Variants in CES5A observed in about 807,000 individuals in gnomAD.
CES5A encodes the protein carboxylesterase 5A, also known as carboxylesterase 5.
Under a neutral mutation model 62.9 loss-of-function variants are expected in CES5A, and 67 were observed. That is an observed-to-expected ratio of 1.07 (90% CI 0.88 to 1.31). The LOEUF is 1.31. Among genes scored for constraint, CES5A ranks in the 50% most tolerant of loss-of-function variants. The probability of loss-of-function intolerance (pLI) is 0.00; values close to 1 mark genes in which losing one functional copy is unlikely to be tolerated. For missense variants in CES5A, 748 were observed against 708.5 expected, an observed-to-expected ratio of 1.06 and a Z score of -0.63; for synonymous variants, 296 against 280.8, an observed-to-expected ratio of 1.05 and a Z score of -0.54.
chr16:55,848,653 T>C (rs2033066279), intron 11 of CES5A, among the ~76,000 whole-genome samples: 1 of 152,212 alleles, frequency 6.6e-6, no homozygotes, highest in African/African-American at 2.4e-5. Context: ...TTCTATCTGT[T>C]ACCCAGTTTT....
At chr16:55,853,514 T>G (rs1819828) in intron 9 of CES5A, among the ~76,000 whole-genome samples, 1 of 152,124 alleles carries the variant, frequency 6.6e-6, no homozygotes, top group African/African-American at 2.4e-5. Context: ...ACCAGCCCTG[T>G]TCCTGGTACC....
At position 55,941,486 on chromosome 16, in the gene CES5A, A is replaced by T. The variant is rs114446265; in HGVS notation, c.160+8299T>A. Reference sequence around the variant, plus strand: ...AAAGAAGACCTCAATAAATGGAAAGATACACCATGTTCATGGATTGCAAAA... The same window carrying T: ...AAAGAAGACCTCAATAAATGGAAAGTTACACCATGTTCATGGATTGCAAAA... On this transcript the variant is annotated intron_variant, in intron 2 of 13. Coordinates refer to the CES5A transcript ENST00000521992. Among the ~76,000 whole-genome samples, 1,065 of 152,228 alleles carry T rather than the reference A, an allele frequency of 7.0e-3. 14 individuals carry two copies. The highest frequency in any genetic ancestry group is 0.024 in the African/African-American group (986 of 41,574).
At chr16:55,924,648 T>C (rs1351227621) in intron 1 of CES5A, among the ~76,000 whole-genome samples, 1 of 152,092 alleles carries the variant, frequency 6.6e-6, no homozygotes, top group East Asian at 1.9e-4. Context: ...GCTGGAGGCA[T>C]CATACTACCT....
At chr16:55,859,091 A>C (rs2033301745) in intron 8 of CES5A, among the ~76,000 whole-genome samples, 1 of 152,252 alleles carries the variant, frequency 6.6e-6, no homozygotes, top group Non-Finnish European at 1.5e-5. Flanking sequence ...TTGTTGAAAA[A>C]ATAAAATGAT....
intron 1 of CES5A, among the ~76,000 whole-genome samples, chr16:55,880,584 A>G (rs1384232078): frequency 1.3e-5 from 2 of 152,148 alleles, no homozygotes; most frequent in Non-Finnish European, 2.9e-5. Flanking sequence ...TAGACAGCAG[A>G]CCCTCAGTGA....
intron 1 of CES5A, among the ~76,000 whole-genome samples, chr16:55,917,561 C>CT (rs2034159823): frequency 6.6e-6 from 1 of 152,216 alleles, no homozygotes; most frequent in East Asian, 1.9e-4. Context: ...GGCCAAATGC[C>CT]TTCTACAGAT....
chr16:55,927,077 A>G (rs1372491831), upstream of CES5A, among the ~76,000 whole-genome samples: 1 of 152,238 alleles, frequency 6.6e-6, no homozygotes, highest in Non-Finnish European at 1.5e-5. Context: ...CTCTCACCAT[A>G]TACAGAAATT....
intron 7 of CES5A, among the ~76,000 whole-genome samples, chr16:55,859,962 C>A (rs1176822774): frequency 1.3e-5 from 2 of 152,284 alleles, no homozygotes; most frequent in Admixed American, 6.5e-5. Flanking sequence ...AAAACAGTGG[C>A]CTGTTATATG....
intron 1 of CES5A, among the ~76,000 whole-genome samples, chr16:55,951,899 A>G (rs2034561592): frequency 6.6e-6 from 1 of 152,178 alleles, no homozygotes; most frequent in South Asian, 2.1e-4. Flanking sequence ...ATAGCTGTGG[A>G]TCAGGGACAG....
intron 2 of CES5A, among the ~76,000 whole-genome samples, chr16:55,942,883 A>C (rs575352186): frequency 1.3e-5 from 2 of 152,344 alleles, no homozygotes; most frequent in East Asian, 3.9e-4. Context: ...CAAAAACATT[A>C]CAGTGGACAA....
At chr16:55,872,421 A>G (rs1309074915) in intron 2 of CES5A, among the ~76,000 whole-genome samples, 1 of 152,132 alleles carries the variant, frequency 6.6e-6, no homozygotes, top group Non-Finnish European at 1.5e-5. Flanking sequence ...CCTACTTTGC[A>G]TTCTTTTCCA....
chr16:55,945,776 G>A (rs531550593), intron 2 of CES5A, among the ~76,000 whole-genome samples: 5 of 152,284 alleles, frequency 3.3e-5, no homozygotes, highest in African/African-American at 1.2e-4. Flanking sequence ...TTTAACAAGC[G>A]ATTCAGAAAA....
rs12102439 is a variant in CES5A, at chr16:55,944,150, G to A, written c.160+5635C>T. On this transcript the variant is annotated intron_variant, in intron 2 of 13. Transcript: ENST00000521992. ...GACAACCTCTCTGTATTACTTATGG[G>A]CTAAGAAATTGTATTGTGAAGACTT... 2,554 of 701,408 alleles carry A rather than the reference G, an allele frequency of 3.6e-3. 45 individuals carry two copies. The African/African-American group carries it at 0.039, about 11-fold the overall frequency. The allele number at this position is 701,408 out of a possible 1,614,324, so 43.4% of individuals were successfully genotyped here.
chr16:55,869,989 G>T (rs1567332852), intron 3 of CES5A, among the ~76,000 whole-genome samples: 1 of 152,116 alleles, frequency 6.6e-6, no homozygotes, highest in South Asian at 2.1e-4. Flanking sequence ...TTAGCCTAAG[G>T]CTCATTTTTC....
intron 1 of CES5A, among the ~76,000 whole-genome samples, chr16:55,915,906 A>C (rs1850107797): frequency 6.6e-6 from 1 of 152,240 alleles, no homozygotes; most frequent in African/African-American, 2.4e-5. Context: ...CAAAGAAACT[A>C]TCTTAACATC....
chr16:55,885,650 C>T (rs1481629202), intron 1 of CES5A, among the ~76,000 whole-genome samples: 3 of 152,120 alleles, frequency 2.0e-5, no homozygotes, highest in African/African-American at 7.2e-5. Flanking sequence ...ATGGGTCTGC[C>T]CTTGTATCCC....
At chr16:55,880,178 G>C (rs1450987127), upstream of CES5A, among the ~76,000 whole-genome samples, 2 of 152,164 alleles carry the variant, frequency 1.3e-5, no homozygotes, top group African/African-American at 2.4e-5. Flanking sequence ...GTGGACAGTA[G>C]TGTGCAGGCC....
At chr16:55,846,866 G>A in intron 11 of CES5A, 26 bp from the exon 12 acceptor site, 3 of 1,605,844 alleles carry the variant, frequency 1.9e-6, no homozygotes, top group Non-Finnish European at 2.6e-6. Context: ...ACAAAATGCT[G>A]CTGCTCTGGG....
chr16:55,874,875 G>A (rs111721474), intron 1 of CES5A, among the ~76,000 whole-genome samples: 10 of 152,144 alleles, frequency 6.6e-5, no homozygotes, highest in African/African-American at 1.7e-4. Context: ...TGTTCCTCAC[G>A]CTTCTCCAGT....
Sources: gnomAD v4.1 joint callset for allele counts (sites outside exome capture counted in the v4.1 genomes callset) on GRCh38, gnomAD v4.1.1 for gene constraint, MANE v1.5 for transcripts, NCBI Gene and HGNC (gene_info 2026-07-23, HGNC 2026-07-21) for gene names.